The following DPP9 variants were observed in gnomAD, a reference collection of about 807,000 sequenced individuals.
The protein encoded by DPP9 is dipeptidyl peptidase 9, also known as dipeptidyl peptidase IV-related protein-2.
Under a neutral mutation model 110.7 loss-of-function variants are expected in DPP9, and 50 were observed. That is an observed-to-expected ratio of 0.45 (90% CI 0.36 to 0.57). The LOEUF (loss-of-function observed/expected upper bound fraction) is 0.57, where lower values mean the gene tolerates loss of function less well. Ranked by LOEUF, DPP9 falls within the 20% of genes least tolerant of loss-of-function variation. The pLI, the probability that DPP9 is intolerant of heterozygous loss-of-function variation, is 0.00. For missense variants in DPP9, 1,022 were observed against 1,217.9 expected, an observed-to-expected ratio of 0.84 and a Z score of 2.39; for synonymous variants, 561 against 514.4, an observed-to-expected ratio of 1.09 and a Z score of -1.23.
chr19:4,691,512 C>T (rs1348636266), intron 13 of DPP9, among the ~76,000 whole-genome samples: 5 of 150,740 alleles, frequency 3.3e-5, no homozygotes, highest in Admixed American at 3.3e-4. Flanking sequence ...GGAAGAGAAA[C>T]CAGGAATCTG....
rs1469477052 is a variant in DPP9 at position 4,689,346 on chromosome 19, C to T, written c.1749+224G>A. On this transcript the variant is annotated intron_variant, in intron 15 of 21. Transcript: ENST00000262960. This position sits in a 1 kb window ranked among gnomAD's most constrained non-coding sequence, Gnocchi z 7.0. ...GGAGCCCCAGCTCAGCGGACGGGCA[C>T]TGGGGGGCTCCACCACTTACTACCC... 6.6e-6 allele frequency among the ~76,000 whole-genome samples: 1 copy of T among 152,256 alleles called. No homozygotes were observed. The highest frequency in any genetic ancestry group is 1.5e-5 in the Non-Finnish European group (1 of 68,036).
At chr19:4,702,223 G>C (rs1481563104) in intron 8 of DPP9, 68 bp from the exon 9 acceptor site, 3 of 1,527,712 alleles carry the variant, frequency 2.0e-6, no homozygotes, top group Non-Finnish European at 2.6e-6. Flanking sequence ...AGCACCCCCC[G>C]CCCCCTGCAG....
chr19:4,688,655 G>C, intron 16 of DPP9, 102 bp downstream of exon 16: 11 of 1,315,634 alleles, frequency 8.4e-6, no homozygotes, highest in Non-Finnish European at 1.1e-5. Context: ...GGCCAGGCAG[G>C]CCAGCTCCAG....
At chr19:4,690,780 AGT>A (rs958274328) in intron 14 of DPP9, 96 bp downstream of exon 14, 37 of 914,772 alleles carry the variant, frequency 4.0e-5, no homozygotes, top group African/African-American at 3.5e-4. Context: ...TATGTGTGTG[AGT>A]GTATGTGTGT....
Position 4,676,743 on chromosome 19 carries a change from C to T in DPP9, c.2587-87G>A, listed in dbSNP as rs967086395. 4.4e-6 allele frequency: 5 copies of T among 1,144,730 alleles called. No individual in the cohort carries two copies. In the East Asian group the frequency reaches 1.0e-4, roughly 24 times the overall value. 70.9% of individuals were successfully genotyped at this position (1,144,730 alleles called of 1,614,324 possible). A position where few individuals can be genotyped will look rare whatever the true frequency, so the allele number is the denominator to read the frequency against. ...CCTCCCTTATTCTGGCTCAGGGCATCCGGGAAGGCGCAGGTGCTCTGAGGC... is the reference window on the plus strand; with the variant it reads ...CCTCCCTTATTCTGGCTCAGGGCATTCGGGAAGGCGCAGGTGCTCTGAGGC... On this transcript the variant is annotated intron_variant, in intron 21 of 21. Transcript: ENST00000262960. The surrounding 1 kb of genome is among the most constrained non-coding windows in gnomAD (Gnocchi z 4.0).
Position 4,715,019 on chromosome 19 carries a change from C to CTTTTTTTT in DPP9, c.57-690_57-683dup, listed in dbSNP as rs59314200. Among the ~76,000 whole-genome samples the CTTTTTTTT allele has an allele frequency of 4.4e-5, 3 of 68,608 alleles. 1 individual carries two copies. Among genetic ancestry groups the CTTTTTTTT allele is most frequent in the Non-Finnish European group, 7.4e-5 (3 of 40,630 alleles). The allele number at this position is 68,608 out of a possible 152,430, so 45.0% of individuals were successfully genotyped here. On this transcript the variant is annotated intron_variant, in intron 3 of 21. Transcript: ENST00000262960. ...TTTGATATATGTTTATATATATATA[C>CTTTTTTTT]TTTTTTTTTTTTTTTTTTTTTTTTT...
At chr19:4,690,351 G>C (rs1398454268) in intron 14 of DPP9, among the ~76,000 whole-genome samples, 3 of 152,254 alleles carry the variant, frequency 2.0e-5, no homozygotes, top group African/African-American at 7.2e-5. Flanking sequence ...CCCGAGGGAG[G>C]AGAGGGCATT....
rs182129180 is a variant in DPP9 at position 4,698,269 on chromosome 19, C to T, written c.1075-618G>A. 2.0e-5 allele frequency among the ~76,000 whole-genome samples: 3 copies of T among 152,266 alleles called. No individual in the cohort carries two copies. Among genetic ancestry groups the T allele is most frequent in the Admixed American group, 2.0e-4 (3 of 15,280 alleles). On this transcript the variant is annotated intron_variant, in intron 10 of 21. Transcript: ENST00000262960. The surrounding 1 kb of genome is among the most constrained non-coding windows in gnomAD (Gnocchi z 4.2). ...GGTATTGAGAGATAGGGGACCTGAG[C>T]CTTCCTCGTGTCTAAATGGGGCTGG...
rs573993778 is a variant in DPP9, at chr19:4,718,158, G to A, written c.56+1693C>T. Among the ~76,000 whole-genome samples, 72 of 152,248 alleles carry A rather than the reference G, an allele frequency of 4.7e-4. No individual in the cohort carries two copies. The highest frequency in any genetic ancestry group is 9.2e-4 in the Admixed American group (14 of 15,292). ...TGGTCTCAAACTCCTGGGCTCCAGC[G>A]ATCCTGCCACCTCGGTCTAGCAAAT... On this transcript the variant is annotated intron_variant, in intron 3 of 21. Transcript: ENST00000262960. This position sits in a 1 kb window ranked among gnomAD's most constrained non-coding sequence, Gnocchi z 4.3.
intron 4 of DPP9, among the ~76,000 whole-genome samples, chr19:4,709,223 T>G (rs1314185049): frequency 4.6e-5 from 7 of 151,754 alleles, no homozygotes. Flanking sequence ...CGGCCAGTTG[T>G]TTGTTTGTTT....
intron 20 of DPP9, among the ~76,000 whole-genome samples, chr19:4,681,155 A>AT (rs1387802226): frequency 6.6e-6 from 1 of 152,132 alleles, no homozygotes; most frequent in Non-Finnish European, 1.5e-5. Context: ...TTATAAACCC[A>AT]TTGAGACAGA....
rs1356078395 is a variant in DPP9, at chr19:4,695,319, T to G, written c.1353+59A>C. The G allele has an allele frequency of 6.7e-7, 1 of 1,484,718 alleles. No homozygotes were observed. The allele number at this position is 1,484,718 out of a possible 1,614,324, so 92.0% of individuals were successfully genotyped here. The stretch of plus-strand genomic sequence containing the variant: ...CGCTCAGCCTTCTAGGACGTGGGGG[T>G]GGGGACAGTGTGACTCCAGGGCCCA... On this transcript the variant is annotated intron_variant, in intron 12 of 21. Coordinates refer to ENST00000262960, the MANE Select transcript of DPP9 (RefSeq NM_139159.5). The surrounding 1 kb of genome is among the most constrained non-coding windows in gnomAD (Gnocchi z 4.7).
chr19:4,690,774 TGTGTGA>T, intron 14 of DPP9, 98 bp downstream of exon 14: 1 of 882,056 alleles, frequency 1.1e-6, no homozygotes, highest in African/African-American at 1.7e-5. Flanking sequence ...AATGAGTATG[TGTGTGA>T]GTGTATGTGT....
chr19:4,683,615 G>A lies in DPP9; in HGVS notation c.2193C>T (p.Ile731=), dbSNP rs747283407. ...ACTGCAGGCCCTCCACCTGGTCCTC[G>A]ATCTCCACCTGGCCCTGAGGGATGA... The part of the protein sequence containing the change: ...ALKNQMGQVE[I]EDQVEGLQFV... The change falls in exon 19 of 22, where the codon ATC becomes ATT. Residue 731 remains isoleucine (I), a synonymous_variant. Coordinates refer to ENST00000262960, the MANE Select transcript of DPP9 (RefSeq NM_139159.5). 10 of 1,613,262 alleles carry A rather than the reference G, an allele frequency of 6.2e-6. No individual in the cohort carries two copies. Among genetic ancestry groups the A allele is most frequent in the South Asian group, 1.1e-5 (1 of 91,084 alleles).
intron 2 of DPP9, 105 bp from the exon 3 acceptor site, chr19:4,720,046 C>CT: frequency 9.9e-7 from 1 of 1,009,330 alleles, no homozygotes; most frequent in South Asian, 1.4e-5. Flanking sequence ...GGCAGCCCCC[C>CT]AAGCCTCCGG....
chr19:4,695,256 C>T lies in DPP9; in HGVS notation c.1353+122G>A, dbSNP rs964562477. On this transcript the variant is annotated intron_variant, in intron 12 of 21. Coordinates refer to ENST00000262960, the MANE Select transcript of DPP9 (RefSeq NM_139159.5). The surrounding 1 kb of genome is among the most constrained non-coding windows in gnomAD (Gnocchi z 4.7). ...GCCAGGGATGGCCAAGGCCTGAGCT[C>T]ACTTCTCCACACAAGGGCAAACACC... 3.5e-6 allele frequency: 4 copies of T among 1,132,518 alleles called. No homozygotes were observed. In the African/African-American group the frequency reaches 4.8e-5, roughly 14 times the overall value. The allele number at this position is 1,132,518 out of a possible 1,614,324, so 70.2% of individuals were successfully genotyped here. A position where few individuals can be genotyped will look rare whatever the true frequency, so the allele number is the denominator to read the frequency against.
At chr19:4,696,618 G>T (rs1346918676) in intron 11 of DPP9, among the ~76,000 whole-genome samples, 2 of 152,034 alleles carry the variant, frequency 1.3e-5, no homozygotes, top group African/African-American at 4.8e-5. Context: ...AATTGGCTGG[G>T]CATGGTGGCA....
rs1331466808 is a variant in DPP9, at chr19:4,676,829, T to C, written c.2587-173A>G. On this transcript the variant is annotated intron_variant, in intron 21 of 21. Transcript: ENST00000262960. This position sits in a 1 kb window ranked among gnomAD's most constrained non-coding sequence, Gnocchi z 4.0. ...GACTTGCAGTGTAACTCTGGGCCTC[T>C]CTAAAAAATGGGGTGAATCCGGACC... 3.3e-5 allele frequency among the ~76,000 whole-genome samples: 5 copies of C among 152,138 alleles called. No individual in the cohort carries two copies. Among genetic ancestry groups the C allele is most frequent in the Non-Finnish European group, 7.4e-5 (5 of 68,020 alleles).
In DPP9 at chr19:4,701,040, C is replaced by T. The variant is rs150883858; in HGVS notation, c.1013-763G>A. On this transcript the variant is annotated intron_variant, in intron 9 of 21. Transcript: ENST00000262960. ...TAGCACGGCACAGAGCAGGCACTCG[C>T]GGAGTATGGGCAATAACGATGCTCT... Among the ~76,000 whole-genome samples the T allele has an allele frequency of 1.9e-3, 285 of 152,298 alleles. 2 individuals are homozygous for T. Among genetic ancestry groups the T allele is most frequent in the African/African-American group, 6.3e-3 (262 of 41,566 alleles).
Sources: gnomAD v4.1 joint callset for allele counts (sites outside exome capture counted in the v4.1 genomes callset) on GRCh38, gnomAD v4.1.1 for gene constraint, Gnocchi (gnomAD v3.1) non-coding constraint, MANE v1.5 for transcripts, NCBI Gene and HGNC (gene_info 2026-07-23, HGNC 2026-07-21) for gene names.